The following ANXA4 variants were observed in gnomAD, a reference collection of about 807,000 sequenced individuals.
ANXA4 encodes the protein 35-beta calcimedin.
Under a neutral mutation model 49.8 loss-of-function variants are expected in ANXA4, and 39 were observed. That is an observed-to-expected ratio of 0.78 (90% CI 0.61 to 1.02). The LOEUF (loss-of-function observed/expected upper bound fraction) is 1.02, where lower values mean the gene tolerates loss of function less well. Among genes scored for constraint, ANXA4 ranks in the 50% least tolerant of loss-of-function variants. ANXA4 has a pLI of 0.00. For synonymous variants in ANXA4, 134 were observed against 152.5 expected (o/e 0.88, Z 0.89); for missense variants, 360 against 410.1 (o/e 0.88, Z 1.05).
chr2:69,660,834 A>G lies in ANXA4; in HGVS notation n.766+7552A>G, dbSNP rs117641270. ...AAAAGTTGAGATATGGAAGATAGGA[A>G]CATACTCAAAATAGAAGGGAGAGAT... is the stretch of plus-strand genomic sequence containing the variant. On this transcript the variant is annotated intron_variant and non_coding_transcript_variant, in intron 2 of 3. Coordinates refer to the ANXA4 transcript ENST00000418066. Among the ~76,000 whole-genome samples the G allele has an allele frequency of 2.2e-4, 33 of 152,184 alleles. No homozygotes were observed. The East Asian group carries it at 6.2e-3, about 28-fold the overall frequency.
chr2:69,787,515 T>C (rs371814041), intron 2 of ANXA4, among the ~76,000 whole-genome samples: 3 of 152,368 alleles, frequency 2.0e-5, no homozygotes, highest in East Asian at 3.9e-4. Flanking sequence ...TTTTTGGCTC[T>C]AGAGGCTTGA....
chr2:69,670,186 T>A lies in ANXA4; in HGVS notation n.766+16904T>A, dbSNP rs547508909. Among the ~76,000 whole-genome samples the A allele has an allele frequency of 3.3e-5, 5 of 152,212 alleles. No homozygotes were observed. In the South Asian group the frequency reaches 1.0e-3, roughly 32 times the overall value. On this transcript the variant is annotated intron_variant and non_coding_transcript_variant, in intron 2 of 3. Coordinates refer to the ANXA4 transcript ENST00000418066. ...CAGGCACGGTGGCTCATGCCTGTAA[T>A]CCCAGCATTTTGGGAAGTCGAAGCA...
intron 3 of ANXA4, among the ~76,000 whole-genome samples, chr2:69,799,846 C>A (rs138775099): frequency 6.6e-6 from 1 of 152,240 alleles, no homozygotes; most frequent in African/African-American, 2.4e-5. Flanking sequence ...ATCTTTCTAT[C>A]CAAAAAGAAT....
intron 2 of ANXA4, among the ~76,000 whole-genome samples, chr2:69,715,118 C>A (rs936750100): frequency 6.6e-6 from 1 of 152,220 alleles, no homozygotes; most frequent in African/African-American, 2.4e-5. Context: ...ATCAATCCAT[C>A]ATATATTTGA....
intron 3 of ANXA4, among the ~76,000 whole-genome samples, chr2:69,733,120 C>T (rs941447687): frequency 6.6e-6 from 1 of 152,052 alleles, no homozygotes; most frequent in African/African-American, 2.4e-5. Context: ...AACGCTTGTT[C>T]TTGTAGATAG....
intron 2 of ANXA4, among the ~76,000 whole-genome samples, chr2:69,679,760 G>A (rs148964466): frequency 1.3e-5 from 2 of 152,198 alleles, no homozygotes; most frequent in Admixed American, 6.5e-5. Context: ...TATTGAAGAG[G>A]GTGTCCTTTT....
chr2:69,734,717 C>T (rs762683819), intron 3 of ANXA4, among the ~76,000 whole-genome samples: 3 of 150,228 alleles, frequency 2.0e-5, no homozygotes, highest in Non-Finnish European at 4.4e-5. Context: ...TTTGCTTGTT[C>T]CCCCCAAAAA....
At chr2:69,824,120 A>T (rs1674358495) in intron 12 of ANXA4, among the ~76,000 whole-genome samples, 1 of 152,052 alleles carries the variant, frequency 6.6e-6, no homozygotes, top group African/African-American at 2.4e-5. Flanking sequence ...TAAAGATTAA[A>T]AAATTAATCA....
rs888610995 is a variant in ANXA4, at chr2:69,669,899, T to G, written n.766+16617T>G. On this transcript the variant is annotated intron_variant and non_coding_transcript_variant, in intron 2 of 3. Transcript: ENST00000418066. ...AAAGACTTCACCTTCCTTGCCTTAT[T>G]TTACTGATAAGTGCCCAGCAGACTG... Among the ~76,000 whole-genome samples the G allele has an allele frequency of 2.0e-5, 3 of 152,266 alleles. No homozygotes were observed. In the East Asian group the frequency reaches 5.8e-4, roughly 29 times the overall value.
chr2:69,672,615 C>T (rs1180630963), intron 2 of ANXA4, among the ~76,000 whole-genome samples: 1 of 152,070 alleles, frequency 6.6e-6, no homozygotes, highest in Non-Finnish European at 1.5e-5. Flanking sequence ...CTTTTAAAAA[C>T]AGCAAAACCA....
chr2:69,781,561 G>A lies in ANXA4; in HGVS notation c.-5G>A, dbSNP rs1187675476. 6.2e-7 allele frequency: 1 copy of A among 1,614,050 alleles called. No individual in the cohort carries two copies. The highest frequency in any genetic ancestry group is 1.7e-5 in the Admixed American group (1 of 60,008). ...GTGGCTGAACTCTGATCTTGACCTA[G>A]AGTCATGGCCATGGTAAGTTGTGAA... is the stretch of plus-strand genomic sequence containing the variant. On this transcript the variant is annotated 5_prime_UTR_variant, in exon 2 of 13. Transcript: ENST00000394295.
chr2:69,664,445 A>G (rs1193408284), intron 2 of ANXA4, among the ~76,000 whole-genome samples: 2 of 152,234 alleles, frequency 1.3e-5, no homozygotes, highest in African/African-American at 2.4e-5. Context: ...AGTACTTTCT[A>G]GAGTACACCT....
chr2:69,732,156 T>G (rs1670120953), intron 3 of ANXA4, among the ~76,000 whole-genome samples: 2 of 151,750 alleles, frequency 1.3e-5, no homozygotes, highest in Admixed American at 6.5e-5. Flanking sequence ...TTTTTGTATT[T>G]TTAGTAAAGA....
intron 2 of ANXA4, among the ~76,000 whole-genome samples, chr2:69,687,433 G>A (rs1677828441): frequency 6.6e-6 from 1 of 151,880 alleles, no homozygotes; most frequent in African/African-American, 2.4e-5. Flanking sequence ...ACTTGAACCT[G>A]GGAGGCAGAG....
intron 2 of ANXA4, among the ~76,000 whole-genome samples, chr2:69,706,842 A>T (rs955804761): frequency 1.3e-5 from 2 of 152,202 alleles, no homozygotes; most frequent in Non-Finnish European, 2.9e-5. Context: ...GTTATGGCCG[A>T]ATAATTTCTC....
chr2:69,688,422 G>T (rs930839862), intron 2 of ANXA4, among the ~76,000 whole-genome samples: 1 of 152,162 alleles, frequency 6.6e-6, no homozygotes, highest in East Asian at 1.9e-4. Context: ...AAATTGTGAC[G>T]TCAGCAGCCA....
chr2:69,668,214 G>T (rs1391013765), intron 2 of ANXA4, among the ~76,000 whole-genome samples: 1 of 152,150 alleles, frequency 6.6e-6, no homozygotes, highest in Non-Finnish European at 1.5e-5. Context: ...TAAAGATTAT[G>T]AATTCAGTCA....
intron 1 of ANXA4, among the ~76,000 whole-genome samples, chr2:69,775,216 T>C (rs537125693): frequency 6.6e-6 from 1 of 152,346 alleles, no homozygotes; most frequent in East Asian, 1.9e-4. Flanking sequence ...GATTTTGCCA[T>C]TGGTGGGTGG....
At chr2:69,703,029 A>C (rs181102434) in intron 2 of ANXA4, among the ~76,000 whole-genome samples, 1 of 152,284 alleles carries the variant, frequency 6.6e-6, no homozygotes, top group African/African-American at 2.4e-5. Flanking sequence ...GCGCATGCAA[A>C]GTTCTTAAGT....
Sources: allele counts gnomAD v4.1 joint callset (sites outside exome capture counted in the v4.1 genomes callset), GRCh38; gene constraint gnomAD v4.1.1; transcripts MANE v1.5; gene names NCBI Gene and HGNC (gene_info 2026-07-23, HGNC 2026-07-21).